COG5: variants seen among roughly 807,000 people sequenced by gnomAD.
The protein encoded by COG5 is component of oligomeric golgi complex 5.
In COG5, 86 loss-of-function variants were observed where a neutral mutation model predicts 110.4. The ratio of observed to expected loss-of-function variants is 0.78; its 90% confidence interval spans 0.65 to 0.93. The LOEUF (loss-of-function observed/expected upper bound fraction) is 0.93. Ranked by LOEUF, COG5 falls within the 40% of genes least tolerant of loss-of-function variation. COG5 has a pLI of 0.00. For missense variants in COG5, 1,077 were observed against 987.0 expected, an observed-to-expected ratio of 1.09 and a Z score of -1.22; for synonymous variants, 360 against 334.6, an observed-to-expected ratio of 1.08 and a Z score of -0.83.
At chr7:107,419,966 A>G (rs1162971573) in intron 6 of COG5, among the ~76,000 whole-genome samples, 1 of 152,014 alleles carries the variant, frequency 6.6e-6, no homozygotes, top group Non-Finnish European at 1.5e-5. Flanking sequence ...AACCTATTAA[A>G]CCTTTTTAAT....
chr7:107,415,029 T>C (rs1792613975), intron 6 of COG5, among the ~76,000 whole-genome samples: 1 of 152,108 alleles, frequency 6.6e-6, no homozygotes, highest in African/African-American at 2.4e-5. Context: ...CCCGGCCCAC[T>C]GTCCCTTCTT....
At chr7:107,399,289 A>G (rs943689875) in intron 7 of COG5, among the ~76,000 whole-genome samples, 1 of 152,208 alleles carries the variant, frequency 6.6e-6, no homozygotes, top group African/African-American at 2.4e-5. Context: ...AAAAGGAAAG[A>G]CACAGAAGAA....
intron 7 of COG5, among the ~76,000 whole-genome samples, chr7:107,384,025 G>A (rs543743426): frequency 2.4e-4 from 37 of 152,234 alleles, no homozygotes; most frequent in African/African-American, 8.7e-4. Context: ...CTGGTAGAAG[G>A]CCTCGGAATT....
intron 12 of COG5, among the ~76,000 whole-genome samples, chr7:107,284,441 G>C (rs548053593): frequency 6.6e-6 from 1 of 152,286 alleles, no homozygotes; most frequent in East Asian, 1.9e-4. Flanking sequence ...CCATTAGCTT[G>C]GCCCTTTCCA....
At chr7:107,248,261 G>T in intron 17 of COG5, 135 bp downstream of exon 17, 1 of 691,430 alleles carries the variant, frequency 1.4e-6, no homozygotes. Flanking sequence ...GTAATGAAGA[G>T]GGCTGAAAAC....
At chr7:107,382,233 T>G (rs1815188244) in intron 7 of COG5, among the ~76,000 whole-genome samples, 1 of 152,014 alleles carries the variant, frequency 6.6e-6, no homozygotes, top group African/African-American at 2.4e-5. Context: ...CTTGGGACCT[T>G]AAGAGGAGAG....
intron 8 of COG5, among the ~76,000 whole-genome samples, chr7:107,366,543 T>G (rs969598431): frequency 6.6e-6 from 1 of 152,050 alleles, no homozygotes; most frequent in Admixed American, 6.6e-5. Flanking sequence ...AGCGTTCAAC[T>G]GAGACATATC....
Position 107,279,081 on chromosome 7 carries a change from A to G in COG5, c.1575+2219T>C, listed in dbSNP as rs555135588. Among the ~76,000 whole-genome samples the G allele has an allele frequency of 8.5e-4, 130 of 152,286 alleles. 1 individual carries two copies. Among genetic ancestry groups the G allele is most frequent in the African/African-American group, 2.1e-3 (89 of 41,540 alleles). On this transcript the variant is annotated intron_variant, in intron 14 of 21. Coordinates refer to ENST00000297135, the MANE Select transcript of COG5 (RefSeq NM_006348.5). ...TCCAGAACCTACAAAGAACTTAAACAAATTTACAAGAGAAAAACAAACAAC... is the reference window on the plus strand; with the variant it reads ...TCCAGAACCTACAAAGAACTTAAACGAATTTACAAGAGAAAAACAAACAAC...
intron 13 of COG5, 61 bp downstream of exon 13, chr7:107,283,510 A>C: frequency 2.2e-6 from 3 of 1,393,770 alleles, no homozygotes; most frequent in Non-Finnish European, 3.1e-6. Context: ...TACTGCTATC[A>C]TATATCACTA....
intron 6 of COG5, among the ~76,000 whole-genome samples, chr7:107,501,908 A>G (rs1798661372): frequency 6.6e-6 from 1 of 152,154 alleles, no homozygotes; most frequent in Non-Finnish European, 1.5e-5. Context: ...ACATTACATT[A>G]ACTATGAAGA....
At chr7:107,373,055 A>T (rs1814323418) in intron 7 of COG5, among the ~76,000 whole-genome samples, 1 of 152,154 alleles carries the variant, frequency 6.6e-6, no homozygotes, top group Non-Finnish European at 1.5e-5. Flanking sequence ...ATTCGAGCTT[A>T]TTTAAAATCT....
chr7:107,429,523 G>C (rs1793869720), intron 6 of COG5, among the ~76,000 whole-genome samples: 1 of 151,702 alleles, frequency 6.6e-6, no homozygotes, highest in African/African-American at 2.4e-5. Context: ...AACTCCTGGA[G>C]CTCAAGCAGT....
chr7:107,309,120 T>TATAAATCAAATATTTTTTAA (rs1807990256), intron 11 of COG5, among the ~76,000 whole-genome samples: 6 of 151,894 alleles, frequency 4.0e-5, no homozygotes, highest in South Asian at 4.2e-4. Context: ...ATGAAATATA[T>TATAAATCAAATATTTTTTAA]ATAAATCAAA....
At chr7:107,421,799 G>T (rs575014668) in intron 6 of COG5, among the ~76,000 whole-genome samples, 279 of 151,932 alleles carry the variant, frequency 1.8e-3, no homozygotes, top group African/African-American at 6.0e-3. Context: ...TGATCATAAT[G>T]GAATCAAATT....
At chr7:107,434,011 A>G (rs1236961489) in intron 6 of COG5, among the ~76,000 whole-genome samples, 1 of 152,234 alleles carries the variant, frequency 6.6e-6, no homozygotes, top group Non-Finnish European at 1.5e-5. Context: ...ATAAATAGAC[A>G]TTTCTCTAAA....
chr7:107,416,514 T>G (rs1036424641), intron 6 of COG5, among the ~76,000 whole-genome samples: 2 of 152,190 alleles, frequency 1.3e-5, no homozygotes, highest in African/African-American at 4.8e-5. Context: ...GCAGATACGT[T>G]ATTCTAATAC....
At chr7:107,434,837 G>A (rs779013115) in intron 6 of COG5, among the ~76,000 whole-genome samples, 10 of 152,066 alleles carry the variant, frequency 6.6e-5, no homozygotes, top group African/African-American at 9.7e-5. Context: ...GGATGTGGTG[G>A]CAAATGCCTG....
At chr7:107,385,629 T>A (rs192058466) in intron 7 of COG5, among the ~76,000 whole-genome samples, 2 of 152,258 alleles carry the variant, frequency 1.3e-5, no homozygotes, top group Admixed American at 1.3e-4. Context: ...AATGTATGAT[T>A]CCACTTAACA....
At chr7:107,222,777 C>T (rs1293393319) in intron 19 of COG5, among the ~76,000 whole-genome samples, 2 of 152,118 alleles carry the variant, frequency 1.3e-5, no homozygotes, top group Non-Finnish European at 1.5e-5. Context: ...AATGCAGATA[C>T]ACCAAATGCC....
Sources: gnomAD v4.1 joint callset for allele counts (sites outside exome capture counted in the v4.1 genomes callset) on GRCh38, gnomAD v4.1.1 for gene constraint, MANE v1.5 for transcripts, NCBI Gene and HGNC (gene_info 2026-07-23, HGNC 2026-07-21) for gene names.